The following RARB variants were observed in gnomAD, a reference collection of about 807,000 sequenced individuals.
RARB encodes the protein HBV-activated protein.
Under a neutral mutation model 51.9 loss-of-function variants are expected in RARB, and 17 were observed. The observed-to-expected ratio is 0.33, with a 90% CI of 0.22 to 0.49. The LOEUF (loss-of-function observed/expected upper bound fraction) is 0.49. Among genes scored for constraint, RARB ranks in the 20% least tolerant of loss-of-function variants. RARB has a pLI of 0.99. For missense variants in RARB, 369 were observed against 550.8 expected, an observed-to-expected ratio of 0.67 and a Z score of 3.30; for synonymous variants, 215 against 195.4, an observed-to-expected ratio of 1.10 and a Z score of -0.84.
At chr3:25,300,872 C>T (rs1334017611) in intron 5 of RARB, among the ~76,000 whole-genome samples, 1 of 152,120 alleles carries the variant, frequency 6.6e-6, no homozygotes, top group East Asian at 1.9e-4. Context: ...TGGCGGGTGC[C>T]TGTAATCCCA....
chr3:25,259,322 A>C (rs183605474), intron 5 of RARB, among the ~76,000 whole-genome samples: 1 of 152,112 alleles, frequency 6.6e-6, no homozygotes, highest in East Asian at 1.9e-4. Context: ...CATGTGTCTG[A>C]GTTCTATCTG....
chr3:25,304,408 G>T (rs1704110864), intron 5 of RARB, among the ~76,000 whole-genome samples: 1 of 152,106 alleles, frequency 6.6e-6, no homozygotes, highest in Admixed American at 6.6e-5. Flanking sequence ...TGACATGTCT[G>T]CCGTAACTGC....
chr3:24,912,972 ATTCT>A (rs1483724638), intron 2 of RARB, among the ~76,000 whole-genome samples: 9 of 57,636 alleles, frequency 1.6e-4, no homozygotes, highest in Admixed American at 5.2e-4. Context: ...CAAGGTACTG[ATTCT>A]TTTTTTTTTT....
At chr3:25,142,950 C>T (rs1700133692) in intron 4 of RARB, among the ~76,000 whole-genome samples, 2 of 152,176 alleles carry the variant, frequency 1.3e-5, no homozygotes, top group Non-Finnish European at 1.5e-5. Flanking sequence ...ACATAAAATA[C>T]ATATTATATT....
intron 4 of RARB, among the ~76,000 whole-genome samples, chr3:25,573,457 C>T (rs1700791701): frequency 6.6e-6 from 1 of 152,174 alleles, no homozygotes; most frequent in African/African-American, 2.4e-5. Flanking sequence ...AGAGCGTGGC[C>T]CTTCACTACT....
At chr3:25,124,531 AC>A (rs1699832825) in intron 3 of RARB, among the ~76,000 whole-genome samples, 1 of 152,098 alleles carries the variant, frequency 6.6e-6, no homozygotes, top group Admixed American at 6.6e-5. Context: ...CCCTCTTCAC[AC>A]CCTTTCTGGG....
At chr3:25,179,576 C>T (rs183268976) in intron 5 of RARB, among the ~76,000 whole-genome samples, 1 of 152,258 alleles carries the variant, frequency 6.6e-6, no homozygotes, top group South Asian at 2.1e-4. Context: ...TAAGACACTT[C>T]TTGGGAATTT....
chr3:24,881,036 A>C (rs1280979356), intron 2 of RARB, among the ~76,000 whole-genome samples: 1 of 152,200 alleles, frequency 6.6e-6, no homozygotes, highest in Non-Finnish European at 1.5e-5. Context: ...TGATTGGATC[A>C]TGGGGTTGGT....
chr3:25,403,454 CA>C, intron 5 of RARB, among the ~76,000 whole-genome samples: 1 of 151,888 alleles, frequency 6.6e-6, no homozygotes, highest in South Asian at 2.1e-4. Flanking sequence ...CCAAAACAAA[CA>C]AAAAAGTAAG....
intron 3 of RARB, among the ~76,000 whole-genome samples, chr3:25,111,451 C>T (rs1029802781): frequency 1.3e-5 from 2 of 152,016 alleles, no homozygotes; most frequent in African/African-American, 2.4e-5. Context: ...AGCAGCCTAG[C>T]AAAACTGATT....
chr3:25,016,467 T>C (rs1257246483), intron 2 of RARB, among the ~76,000 whole-genome samples: 1 of 152,140 alleles, frequency 6.6e-6, no homozygotes, highest in Non-Finnish European at 1.5e-5. Flanking sequence ...TCTTTGGACA[T>C]TGACTAATTC....
At chr3:24,909,777 C>A (rs1694948995) in intron 2 of RARB, among the ~76,000 whole-genome samples, 1 of 152,094 alleles carries the variant, frequency 6.6e-6, no homozygotes, top group Middle Eastern at 3.4e-3. Context: ...AGTGGTCTAC[C>A]CTGACCTATT....
intron 5 of RARB, among the ~76,000 whole-genome samples, chr3:25,359,792 A>T (rs1705870941): frequency 6.6e-6 from 1 of 152,166 alleles, no homozygotes; most frequent in Non-Finnish European, 1.5e-5. Flanking sequence ...GTTTTGAGTG[A>T]GTTTCTTAAT....
At chr3:25,373,877 G>C (rs1439978198) in intron 5 of RARB, among the ~76,000 whole-genome samples, 2 of 152,132 alleles carry the variant, frequency 1.3e-5, no homozygotes, top group African/African-American at 4.8e-5. Flanking sequence ...GGCAGGAAAG[G>C]AATGAACCAA....
chr3:25,372,901 A>G (rs1417137120), intron 5 of RARB, among the ~76,000 whole-genome samples: 1 of 152,218 alleles, frequency 6.6e-6, no homozygotes, highest in African/African-American at 2.4e-5. Context: ...TGCAATATGC[A>G]TTGTAGGTAA....
chr3:25,127,280 G>C (rs1196790769), intron 3 of RARB, among the ~76,000 whole-genome samples: 1 of 152,086 alleles, frequency 6.6e-6, no homozygotes, highest in Non-Finnish European at 1.5e-5. Flanking sequence ...CCTCTTCCCA[G>C]GACCTGTCAC....
chr3:25,541,333 T>C (rs1455596252), intron 3 of RARB, among the ~76,000 whole-genome samples: 2 of 152,230 alleles, frequency 1.3e-5, no homozygotes, highest in Non-Finnish European at 2.9e-5. Flanking sequence ...GACTGAATTT[T>C]ATTTTTCTCT....
At chr3:25,352,010 G>A (rs1224683205) in intron 5 of RARB, among the ~76,000 whole-genome samples, 1 of 152,162 alleles carries the variant, frequency 6.6e-6, no homozygotes, top group Non-Finnish European at 1.5e-5. Context: ...AAACAACAGT[G>A]TCCTGTGAGT....
At chr3:25,070,623 C>T (rs1157530141) in intron 3 of RARB, among the ~76,000 whole-genome samples, 1 of 152,168 alleles carries the variant, frequency 6.6e-6, no homozygotes, top group Non-Finnish European at 1.5e-5. Flanking sequence ...ATAATAGTAG[C>T]AAACCATTTA....
Sources: gnomAD v4.1 joint callset for allele counts (sites outside exome capture counted in the v4.1 genomes callset) on GRCh38, gnomAD v4.1.1 for gene constraint, MANE v1.5 for transcripts, NCBI Gene and HGNC (gene_info 2026-07-23, HGNC 2026-07-21) for gene names.